Variants in BBX observed in about 807,000 individuals in gnomAD.
BBX encodes the protein BBX high mobility group box domain containing, also known as HMG box transcription factor BBX.
Under a neutral mutation model 100.2 loss-of-function variants are expected in BBX, and 30 were observed. The observed-to-expected ratio is 0.30, with a 90% CI of 0.22 to 0.41. The LOEUF is 0.41. Ranked by LOEUF, BBX falls within the 10% of genes least tolerant of loss-of-function variation. BBX has a pLI of 1.00. For synonymous variants in BBX, 376 were observed against 388.1 expected, an observed-to-expected ratio of 0.97 and a Z score of 0.37; for missense variants, 1,023 against 1,129.8, an observed-to-expected ratio of 0.91 and a Z score of 1.35.
intron 2 of BBX, among the ~76,000 whole-genome samples, chr3:107,616,786 G>A (rs1487799967): frequency 6.6e-6 from 1 of 151,726 alleles, no homozygotes; most frequent in Non-Finnish European, 1.5e-5. Flanking sequence ...ATATATCATC[G>A]ATAACTAGCA....
chr3:107,660,021 G>A (rs532794026), intron 3 of BBX, among the ~76,000 whole-genome samples: 7 of 152,104 alleles, frequency 4.6e-5, no homozygotes, highest in Non-Finnish European at 1.0e-4. Context: ...ATGACACTGA[G>A]GTTCAGGAAA....
In BBX at chr3:107,632,492, T is replaced by G. The variant is rs2056608807; in HGVS notation, c.-83-13344T>G. 2.0e-5 allele frequency among the ~76,000 whole-genome samples: 3 copies of G among 152,344 alleles called. No individual in the cohort carries two copies. In the South Asian group the frequency reaches 6.2e-4, roughly 32 times the overall value. On this transcript the variant is annotated intron_variant, in intron 2 of 17. Transcript: ENST00000325805. ...AATTTTTATAAAGGAAATATGATTT[T>G]TTAATTTAGGGTTGTTGGAATTTTC...
chr3:107,564,765 A>T (rs1283934181), intron 2 of BBX, among the ~76,000 whole-genome samples: 1 of 152,128 alleles, frequency 6.6e-6, no homozygotes, highest in Non-Finnish European at 1.5e-5. Context: ...ATAGCTTTAT[A>T]ATCCTCTTGC....
chr3:107,661,335 CAG>C (rs1176373325), intron 3 of BBX, among the ~76,000 whole-genome samples: 1 of 152,098 alleles, frequency 6.6e-6, no homozygotes, highest in Non-Finnish European at 1.5e-5. Context: ...ATTTTGGAAT[CAG>C]AAAATTTGGG....
intron 3 of BBX, among the ~76,000 whole-genome samples, chr3:107,700,432 T>A (rs889613653): frequency 6.8e-6 from 1 of 147,794 alleles, no homozygotes; most frequent in African/African-American, 2.5e-5. Flanking sequence ...TTATTATTAT[T>A]ATTATTATTA....
intron 12 of BBX, chr3:107,776,242 A>T (rs2067311786): frequency 6.6e-6 from 1 of 152,200 alleles, no homozygotes; most frequent in African/African-American, 2.4e-5. Flanking sequence ...CATTTCTCTG[A>T]TGCTTCTATT....
intron 7 of BBX, among the ~76,000 whole-genome samples, chr3:107,743,364 G>A (rs974635577): frequency 1.3e-5 from 2 of 152,050 alleles, no homozygotes; most frequent in Non-Finnish European, 1.5e-5. Context: ...GGATTTGTTG[G>A]CCTTTTTAAT....
In BBX at chr3:107,772,719, A is replaced by G; in HGVS notation, c.998A>G (p.Lys333Arg). Reference protein sequence around the residue: ...SDGGRIKELEKGKEEKEIKME... With the variant: ...SDGGRIKELERGKEEKEIKME... ...GGTGGAAGAATTAAAGAATTAGAGAAGGGAAAGGAAGAAAAAGAAATTAAA... is the reference window on the plus strand; with the variant it reads ...GGTGGAAGAATTAAAGAATTAGAGAGGGGAAAGGAAGAAAAAGAAATTAAA... Residue 333 changes from lysine to arginine, a missense_variant, in exon 11 of 18, where the codon AAG (lysine) becomes AGG (arginine). Around this residue, in one of 9 missense-constraint regions of BBX, gnomAD observed 348 missense variants for 353.2 expected, o/e 0.99. Coordinates refer to ENST00000325805, the MANE Select transcript of BBX (RefSeq NM_001142568.3). 1 of 1,611,518 alleles carries G rather than the reference A, an allele frequency of 6.2e-7. No homozygotes were observed. Among genetic ancestry groups the G allele is most frequent in the Non-Finnish European group, 8.5e-7 (1 of 1,179,446 alleles).
chr3:107,565,443 T>TTTAA (rs1553727727), intron 2 of BBX, among the ~76,000 whole-genome samples: 1 of 136,966 alleles, frequency 7.3e-6, no homozygotes, highest in Non-Finnish European at 1.6e-5. Context: ...AATAGTTTTA[T>TTTAA]TTTATTTATT....
chr3:107,766,524 T>C (rs1282390720), intron 10 of BBX, among the ~76,000 whole-genome samples: 1 of 152,110 alleles, frequency 6.6e-6, no homozygotes, highest in Non-Finnish European at 1.5e-5. Flanking sequence ...TTATTGCTTT[T>C]GTCGCCAAAA....
chr3:107,635,301 AT>A (rs1390998520), intron 2 of BBX, among the ~76,000 whole-genome samples: 2 of 152,170 alleles, frequency 1.3e-5, no homozygotes, highest in African/African-American at 4.8e-5. Flanking sequence ...AAATGAGTCC[AT>A]GTTTTTATTT....
intron 3 of BBX, among the ~76,000 whole-genome samples, chr3:107,703,644 A>G (rs1268539823): frequency 6.6e-6 from 1 of 152,194 alleles, no homozygotes; most frequent in Non-Finnish European, 1.5e-5. Context: ...ACTGCTTTTC[A>G]ATAAGGAGCA....
At chr3:107,536,946 G>T (rs1185698182) in intron 2 of BBX, among the ~76,000 whole-genome samples, 1 of 152,190 alleles carries the variant, frequency 6.6e-6, no homozygotes. Context: ...AAACTGGCCA[G>T]TTCCAGCATA....
At chr3:107,550,431 A>G (rs1177165626) in intron 2 of BBX, among the ~76,000 whole-genome samples, 1 of 152,108 alleles carries the variant, frequency 6.6e-6, no homozygotes. Flanking sequence ...CATCCCCCTG[A>G]GCGTGGGGAG....
intron 7 of BBX, among the ~76,000 whole-genome samples, chr3:107,740,746 TGA>T (rs1448333149): frequency 2.0e-5 from 3 of 151,988 alleles, no homozygotes; most frequent in African/African-American, 7.3e-5. Flanking sequence ...TCTACACTTG[TGA>T]GAGAACTGGT....
chr3:107,618,363 C>T (rs1179431009), intron 2 of BBX, among the ~76,000 whole-genome samples: 4 of 152,004 alleles, frequency 2.6e-5, no homozygotes, highest in Middle Eastern at 3.4e-3. Context: ...GGTGTTAGTT[C>T]GAAAGTAATA....
intron 2 of BBX, among the ~76,000 whole-genome samples, chr3:107,591,782 C>T (rs1471131712): frequency 6.6e-6 from 1 of 152,184 alleles, no homozygotes; most frequent in Non-Finnish European, 1.5e-5. Context: ...GCTGCCCGGC[C>T]AGTAAATGTT....
chr3:107,759,164 C>T (rs1270797088), intron 10 of BBX, among the ~76,000 whole-genome samples: 5 of 152,152 alleles, frequency 3.3e-5, no homozygotes, highest in African/African-American at 1.2e-4. Context: ...ACCCCTTTCC[C>T]GTTTTCCAGG....
chr3:107,566,556 GTTT>G (rs34151023), intron 2 of BBX, among the ~76,000 whole-genome samples: 1 of 130,932 alleles, frequency 7.6e-6, no homozygotes. Flanking sequence ...TACCTTTTTT[GTTT>G]TTTTTTTTTT....
Sources: gnomAD v4.1 joint callset for allele counts (sites outside exome capture counted in the v4.1 genomes callset) on GRCh38, gnomAD v4.1.1 for gene constraint, gnomAD v4.1.1 regional missense constraint, MANE v1.5 for transcripts, NCBI Gene and HGNC (gene_info 2026-07-23, HGNC 2026-07-21) for gene names.